The following NPSR1 variants were observed in gnomAD, a reference collection of about 807,000 sequenced individuals.
The protein encoded by NPSR1 is neuropeptide S receptor 1, also known as neuropeptide S receptor.
Under a neutral mutation model 46.9 loss-of-function variants are expected in NPSR1, and 48 were observed. The observed-to-expected ratio is 1.02, with a 90% CI of 0.81 to 1.30. The LOEUF is 1.30. Among genes scored for constraint, NPSR1 ranks in the 50% most tolerant of loss-of-function variants. The pLI, the probability that NPSR1 is intolerant of heterozygous loss-of-function variation, is 0.00. For missense variants in NPSR1, 450 were observed against 449.5 expected, an observed-to-expected ratio of 1.00 and a Z score of -0.01; for synonymous variants, 176 against 168.1, an observed-to-expected ratio of 1.05 and a Z score of -0.36.
Position 34,658,552 on chromosome 7 carries a change from C to G in NPSR1, c.140C>G (p.Ser47Cys). The stretch of plus-strand genomic sequence containing the variant: ...AAGGAATGGGGTTCCTTCTACTACT[C>G]CTTTAAGGTAAGTTTCTTGCCTGCG... ...EGKEWGSFYY[S>C]FKTEQLITLW... The change falls in exon 1 of 9, where the codon TCC becomes TGC. Residue 47 changes from serine (S) to cysteine (C), a missense_variant. By Grantham distance (112) the Ser-to-Cys change is moderately radical. Coordinates refer to ENST00000360581, the MANE Select transcript of NPSR1 (RefSeq NM_207172.2). 1 of 1,613,928 alleles carries G rather than the reference C, an allele frequency of 6.2e-7. No individual in the cohort carries two copies. The highest frequency in any genetic ancestry group is 1.1e-5 in the South Asian group (1 of 91,066).
chr7:34,659,210 T>C (rs1304778011), intron 1 of NPSR1, among the ~76,000 whole-genome samples: 3 of 152,188 alleles, frequency 2.0e-5, no homozygotes, highest in African/African-American at 7.2e-5. Context: ...AATACTGTAT[T>C]GTTTCTTATT....
At chr7:34,852,301 A>C (rs1790953680), downstream of NPSR1, among the ~76,000 whole-genome samples, 1 of 151,530 alleles carries the variant, frequency 6.6e-6, no homozygotes. Context: ...ATCCGTCTCA[A>C]GGAAAGAGAG....
At chr7:34,861,935 T>C (rs1791199901) in intron 8 of NPSR1, among the ~76,000 whole-genome samples, 1 of 151,886 alleles carries the variant, frequency 6.6e-6, no homozygotes, top group Non-Finnish European at 1.5e-5. Context: ...TGCATTCAAC[T>C]CCTAAGCCCA....
intron 2 of NPSR1, chr7:34,719,035 TTC>T (rs1783714105): frequency 6.6e-6 from 1 of 152,386 alleles, no homozygotes. Context: ...GCCCAGGCTT[TTC>T]TCTGTCCTGC....
Position 34,848,673 on chromosome 7 carries a change from G to T in NPSR1, c.1025+10G>T. 6.2e-7 allele frequency: 1 copy of T among 1,610,764 alleles called. No individual in the cohort carries two copies. ...TCTCTTTCCCCTGCAGGTAAGGGGA[G>T]CTCTTGCATGGGTCAGACACACTGA... On this transcript the variant is annotated intron_variant, in intron 8 of 8. Transcript: ENST00000360581.
At chr7:34,689,506 G>A (rs554122961) in intron 2 of NPSR1, among the ~76,000 whole-genome samples, 181 of 148,520 alleles carry the variant, frequency 1.2e-3, no homozygotes, top group African/African-American at 4.3e-3. Flanking sequence ...TCGGGAGGCT[G>A]AGGCAGGAGA....
chr7:34,665,960 A>T (rs191767355), intron 1 of NPSR1, among the ~76,000 whole-genome samples: 2 of 152,340 alleles, frequency 1.3e-5, no homozygotes, highest in East Asian at 3.9e-4. Flanking sequence ...CACACAGCAG[A>T]TAAAAGGTCA....
chr7:34,663,360 A>G (rs995655696), intron 1 of NPSR1, among the ~76,000 whole-genome samples: 8 of 151,994 alleles, frequency 5.3e-5, no homozygotes, highest in Non-Finnish European at 1.0e-4. Context: ...CTCCTTCCTA[A>G]GAATAGAAAG....
In NPSR1 at chr7:34,717,257, C is replaced by T. The variant is rs541328655; in HGVS notation, c.280+32573C>T. Among the ~76,000 whole-genome samples, 19 of 152,264 alleles carry T rather than the reference C, an allele frequency of 1.2e-4. No homozygotes were observed. In the South Asian group the frequency reaches 1.5e-3, roughly 12 times the overall value. On this transcript the variant is annotated intron_variant, in intron 2 of 8. Transcript: ENST00000360581. Reference sequence around the variant, plus strand: ...AAGCGATTCTCCTGCCTCAGCCTCCCGAGTAGCTTCGATTACAGGCATGTG... The same window carrying T: ...AAGCGATTCTCCTGCCTCAGCCTCCTGAGTAGCTTCGATTACAGGCATGTG...
chr7:34,718,889 A>T (rs2128706353), intron 2 of NPSR1: 1 of 152,362 alleles, frequency 6.6e-6, no homozygotes. Context: ...ATTTAATTCA[A>T]ACATATAACA....
intron 1 of NPSR1, among the ~76,000 whole-genome samples, chr7:34,663,067 C>CTCTCTCTCTCTGTGTG (rs35826710): frequency 2.1e-4 from 21 of 99,404 alleles, no homozygotes; most frequent in Non-Finnish European, 2.8e-4. Flanking sequence ...CTCTCTCTCT[C>CTCTCTCTCTCTGTGTG]TGTGTGTGTG....
At chr7:34,841,359 C>A (rs999470882) in intron 6 of NPSR1, among the ~76,000 whole-genome samples, 1 of 152,176 alleles carries the variant, frequency 6.6e-6, no homozygotes, top group African/African-American at 2.4e-5. Flanking sequence ...AGGTGAAGAG[C>A]CAGAAATGGC....
intron 2 of NPSR1, among the ~76,000 whole-genome samples, chr7:34,722,340 T>C (rs990804226): frequency 6.6e-6 from 1 of 152,216 alleles, no homozygotes; most frequent in African/African-American, 2.4e-5. Flanking sequence ...AAAAACCAAG[T>C]TATAATCTAA....
intron 4 of NPSR1, among the ~76,000 whole-genome samples, chr7:34,819,880 T>C (rs572852085): frequency 2.2e-4 from 33 of 152,058 alleles, no homozygotes; most frequent in Admixed American, 4.6e-4. Flanking sequence ...ACGAAAACAC[T>C]TGGACGCAGG....
At chr7:34,827,638 T>TGGGGGGGGA in intron 5 of NPSR1, 36 bp downstream of exon 5, 1 of 179,994 alleles carries the variant, frequency 5.6e-6, no homozygotes, top group Non-Finnish European at 1.1e-5. Context: ...CACGGGGGGG[T>TGGGGGGGGA]GGGGCGGGGG....
At chr7:34,710,887 G>T in intron 2 of NPSR1, 1 of 417,152 alleles carries the variant, frequency 2.4e-6, no homozygotes, top group South Asian at 2.1e-5. Context: ...GCTTCCAAAG[G>T]CAAGTTGGAA....
intron 8 of NPSR1, among the ~76,000 whole-genome samples, chr7:34,863,477 T>G (rs955552302): frequency 3.3e-5 from 5 of 151,628 alleles, no homozygotes; most frequent in African/African-American, 1.2e-4. Context: ...TTGCAATCTA[T>G]CCATCTGACA....
chr7:34,734,230 A>T (rs748078476), intron 2 of NPSR1, among the ~76,000 whole-genome samples: 1 of 152,350 alleles, frequency 6.6e-6, no homozygotes, highest in South Asian at 2.1e-4. Flanking sequence ...GATGTTGAAT[A>T]TCATTCCAGA....
Position 34,744,033 on chromosome 7 carries a change from C to T in NPSR1, c.281-34429C>T, listed in dbSNP as rs184283048. ...CTGTGTAGTTAAAATCTGCTCTATC[C>T]TTGCTGATTATTATTATGTATTCCA... On this transcript the variant is annotated intron_variant, in intron 2 of 8. Coordinates refer to ENST00000360581, the MANE Select transcript of NPSR1 (RefSeq NM_207172.2). 1.3e-3 allele frequency among the ~76,000 whole-genome samples: 204 copies of T among 152,220 alleles called. 3 individuals are homozygous for T. Among genetic ancestry groups the T allele is most frequent in the East Asian group, 3.9e-4 (2 of 5,182 alleles).
Sources: gnomAD v4.1 joint callset for allele counts (sites outside exome capture counted in the v4.1 genomes callset) on GRCh38, gnomAD v4.1.1 for gene constraint, MANE v1.5 for transcripts, NCBI Gene and HGNC (gene_info 2026-07-23, HGNC 2026-07-21) for gene names.